Variants in ST6GAL1 observed in about 807,000 individuals in gnomAD.
ST6GAL1 encodes beta-galactoside alpha-2,6-sialyltransferase 1.
ST6GAL1 carries 20 observed loss-of-function variants against 38.0 expected under a neutral mutation model. The observed-to-expected ratio is 0.53, with a 90% CI of 0.37 to 0.77. The LOEUF is 0.77. ST6GAL1 is among the 30% of genes least tolerant of loss of function. The pLI is 0.00. For synonymous variants in ST6GAL1, 196 were observed against 188.2 expected, an observed-to-expected ratio of 1.04 and a Z score of -0.34; for missense variants, 432 against 496.4, an observed-to-expected ratio of 0.87 and a Z score of 1.23.
intron 1 of ST6GAL1, among the ~76,000 whole-genome samples, chr3:186,943,167 A>C (rs940847088): frequency 3.9e-5 from 6 of 152,242 alleles, no homozygotes; most frequent in Non-Finnish European, 5.9e-5. Context: ...AAGTTTGGGA[A>C]AGATTTCTGG....
intron 2 of ST6GAL1, among the ~76,000 whole-genome samples, chr3:186,996,844 C>A (rs1384583174): frequency 1.3e-5 from 2 of 151,814 alleles, no homozygotes; most frequent in South Asian, 2.1e-4. Flanking sequence ...ACATACGTGT[C>A]CCCCGCTTCT....
chr3:186,984,357 C>T (rs1289776434), intron 2 of ST6GAL1, among the ~76,000 whole-genome samples: 3 of 152,280 alleles, frequency 2.0e-5, no homozygotes, highest in African/African-American at 7.2e-5. Context: ...TCTGGTTGTT[C>T]CTCTGCTCAG....
chr3:186,945,260 T>G (rs1714315249), intron 1 of ST6GAL1, among the ~76,000 whole-genome samples: 2 of 151,812 alleles, frequency 1.3e-5, no homozygotes, highest in South Asian at 4.2e-4. Context: ...GAGCTATGAT[T>G]GTGCCACTGT....
intron 1 of ST6GAL1, among the ~76,000 whole-genome samples, chr3:186,947,786 T>C (rs1276994790): frequency 6.6e-6 from 1 of 152,172 alleles, no homozygotes; most frequent in African/African-American, 2.4e-5. Flanking sequence ...TATGTTCAAA[T>C]TAGATCATAG....
At chr3:187,063,221 G>A (rs943329370) in intron 5 of ST6GAL1, among the ~76,000 whole-genome samples, 3 of 152,188 alleles carry the variant, frequency 2.0e-5, no homozygotes, top group African/African-American at 7.2e-5. Context: ...TGATGGTGGT[G>A]GAGCCAAAGC....
intron 2 of ST6GAL1, chr3:186,996,459 C>G (rs528346868): frequency 6.6e-6 from 1 of 152,194 alleles, no homozygotes; most frequent in African/African-American, 2.4e-5. Context: ...TGTTTCCTGG[C>G]TAAAAATAGG....
intron 2 of ST6GAL1, among the ~76,000 whole-genome samples, chr3:186,997,190 G>A (rs907592903): frequency 2.6e-5 from 4 of 152,114 alleles, no homozygotes; most frequent in African/African-American, 4.8e-5. Flanking sequence ...GGCACGTTAC[G>A]CTACTTCCTC....
chr3:186,951,972 A>G (rs1041514233), intron 1 of ST6GAL1, among the ~76,000 whole-genome samples: 4 of 152,164 alleles, frequency 2.6e-5, no homozygotes, highest in African/African-American at 9.7e-5. Flanking sequence ...AGCCTCTTTT[A>G]TAAGGGTACT....
chr3:186,984,146 TCTC>T, intron 2 of ST6GAL1, among the ~76,000 whole-genome samples: 1 of 150,914 alleles, frequency 6.6e-6, no homozygotes, highest in Admixed American at 6.7e-5. Flanking sequence ...CTCTTCTCTC[TCTC>T]ACACTCACAT....
At chr3:187,029,569 C>T (rs1392807300) in intron 2 of ST6GAL1, among the ~76,000 whole-genome samples, 2 of 152,056 alleles carry the variant, frequency 1.3e-5, no homozygotes, top group Non-Finnish European at 2.9e-5. Context: ...AAGTAGTGGG[C>T]GAGTGCCAGA....
chr3:186,932,531 AG>A (rs1189903213), intron 1 of ST6GAL1, among the ~76,000 whole-genome samples: 1 of 152,230 alleles, frequency 6.6e-6, no homozygotes, highest in Non-Finnish European at 1.5e-5. Flanking sequence ...GCCTTTCAAA[AG>A]CTTAGTTATT....
At chr3:187,051,506 A>G (rs1718513079) in intron 5 of ST6GAL1, 160 bp downstream of exon 5, 3 of 629,416 alleles carry the variant, frequency 4.8e-6, no homozygotes, top group Admixed American at 5.6e-5. Flanking sequence ...TGATTCCATG[A>G]CCCAACCTGA....
intron 2 of ST6GAL1, among the ~76,000 whole-genome samples, chr3:186,997,663 G>A (rs1156554006): frequency 1.3e-5 from 2 of 151,858 alleles, no homozygotes; most frequent in Non-Finnish European, 2.9e-5. Flanking sequence ...AGGCTGAGGC[G>A]AGAGGATCAC....
chr3:187,001,382 A>C (rs994825541), intron 2 of ST6GAL1, among the ~76,000 whole-genome samples: 2 of 152,144 alleles, frequency 1.3e-5, no homozygotes, highest in African/African-American at 4.8e-5. Context: ...GTCTCCCTGT[A>C]ATATTGCAGT....
chr3:187,041,671 C>T (rs1044362481), intron 3 of ST6GAL1, among the ~76,000 whole-genome samples: 1 of 152,194 alleles, frequency 6.6e-6, no homozygotes, highest in African/African-American at 2.4e-5. Flanking sequence ...TCAGTGCAAC[C>T]ATTTCCTCAG....
intron 2 of ST6GAL1, among the ~76,000 whole-genome samples, chr3:186,968,846 G>T (rs1021953473): frequency 1.3e-5 from 2 of 152,148 alleles, no homozygotes; most frequent in African/African-American, 4.8e-5. Context: ...TATTTCTCAT[G>T]AGTAATCTCC....
chr3:187,001,785 G>A (rs909747623), intron 2 of ST6GAL1, among the ~76,000 whole-genome samples: 2 of 151,930 alleles, frequency 1.3e-5, no homozygotes, highest in East Asian at 1.9e-4. Context: ...GTGAAACCCC[G>A]TCTCTACTAA....
At chr3:187,039,513 TCCA>T (rs1718056611) in intron 3 of ST6GAL1, among the ~76,000 whole-genome samples, 1 of 152,078 alleles carries the variant, frequency 6.6e-6, no homozygotes, top group South Asian at 2.1e-4. Context: ...GGAGGTGGCC[TCCA>T]CTGACCTTCA....
At chr3:187,062,294 A>G (rs1718943550) in intron 5 of ST6GAL1, among the ~76,000 whole-genome samples, 2 of 152,154 alleles carry the variant, frequency 1.3e-5, no homozygotes, top group African/African-American at 4.8e-5. Context: ...AAACTTAAAA[A>G]TGGAATTACC....
Sources: gnomAD v4.1 joint callset for allele counts (sites outside exome capture counted in the v4.1 genomes callset) on GRCh38, gnomAD v4.1.1 for gene constraint, MANE v1.5 for transcripts, NCBI Gene and HGNC (gene_info 2026-07-23, HGNC 2026-07-21) for gene names.